Variants in NIPBL observed in about 807,000 individuals in gnomAD.
The protein encoded by NIPBL is nipped-B-like protein.
NIPBL carries 19 observed loss-of-function variants against 321.8 expected under a neutral mutation model. The observed-to-expected ratio is 0.06, with a 90% CI of 0.04 to 0.09. The LOEUF (loss-of-function observed/expected upper bound fraction) is 0.09, where lower values mean the gene tolerates loss of function less well. Among genes scored for constraint, NIPBL ranks in the 10% least tolerant of loss-of-function variants. NIPBL has a pLI of 1.00. For missense variants in NIPBL, 2,210 were observed against 3,327.0 expected (o/e 0.66, Z 8.26); for synonymous variants, 1,106 against 1,114.1 (o/e 0.99, Z 0.14).
intron 1 of NIPBL, among the ~76,000 whole-genome samples, chr5:36,907,906 A>C (rs2149541858): frequency 6.6e-6 from 1 of 152,344 alleles, no homozygotes; most frequent in Middle Eastern, 3.4e-3. Context: ...GAATAAATCA[A>C]ATACAGCTTT....
intron 15 of NIPBL, 37 bp downstream of exon 15, chr5:37,002,802 T>C (rs1451226512): frequency 7.0e-6 from 8 of 1,149,274 alleles, no homozygotes; most frequent in South Asian, 5.2e-5. Context: ...ATTTACTTCA[T>C]AGAAACATTT....
In NIPBL at chr5:37,048,557, A is replaced by C. The variant is rs149186951; in HGVS notation, c.6645A>C (p.Leu2215=). Residue 2215 remains leucine (L), a synonymous_variant, in exon 39 of 47, where the codon CTA becomes CTC. Coordinates refer to ENST00000282516, the MANE Select transcript of NIPBL (RefSeq NM_133433.4). ...SLMFEQEVKN[L]YNNILSDKNS... ...TGTTCGAGCAAGAAGTGAAGAATCT[A>C]TATAATAATATTTTATCTGATAAGA... 1 of 1,589,810 alleles carries C rather than the reference A, an allele frequency of 6.3e-7. No homozygotes were observed. Among genetic ancestry groups the C allele is most frequent in the African/African-American group, 1.3e-5 (1 of 74,092 alleles).
chr5:36,953,884 G>A (rs949425402), intron 2 of NIPBL, 124 bp downstream of exon 2: 3 of 798,372 alleles, frequency 3.8e-6, no homozygotes, highest in Non-Finnish European at 6.2e-6. Context: ...AACTGAAACT[G>A]CCCTTTAAAG....
intron 40 of NIPBL, 31 bp from the exon 41 acceptor site, chr5:37,051,748 G>T (rs777481806): frequency 8.2e-6 from 12 of 1,462,348 alleles, no homozygotes; most frequent in Non-Finnish European, 1.2e-5. Flanking sequence ...TTACTACCAT[G>T]ATATCTCGTA....
intron 16 of NIPBL, among the ~76,000 whole-genome samples, chr5:37,003,651 G>C (rs1214806710): frequency 6.6e-6 from 1 of 152,014 alleles, no homozygotes; most frequent in East Asian, 1.9e-4. Flanking sequence ...TCTATCATCT[G>C]TCCATTAGGG....
At chr5:37,025,517 G>T (rs1352510368) in intron 30 of NIPBL, among the ~76,000 whole-genome samples, 1 of 152,026 alleles carries the variant, frequency 6.6e-6, no homozygotes, top group African/African-American at 2.4e-5. Flanking sequence ...GGAGGGAAGG[G>T]TTGTGAGGGG....
rs1179952656 is a variant in NIPBL, at chr5:37,019,321, G to A, written c.4931G>A (p.Gly1644Glu). The stretch of plus-strand genomic sequence containing the variant: ...TGGTTTATTCTATAGGTTTCAGGAG[G>A]GGAAGATGAAATCCAACAATTACAA... ...IERILKQVSG[G>E]EDEIQQLQKA... is the part of the protein sequence containing the mutation. The change falls in exon 25 of 47, where the codon GGG becomes GAG. Residue 1644 changes from glycine to glutamate, a missense_variant. Physicochemically the swap from Gly to Glu is moderately conservative, Grantham distance 98. Coordinates refer to ENST00000282516, the MANE Select transcript of NIPBL (RefSeq NM_133433.4). 2 of 1,609,544 alleles carry A rather than the reference G, an allele frequency of 1.2e-6. No individual in the cohort carries two copies. The highest frequency in any genetic ancestry group is 1.7e-6 in the Non-Finnish European group (2 of 1,176,186).
chr5:37,011,979 TAG>T (rs1309632123), intron 21 of NIPBL, among the ~76,000 whole-genome samples: 5 of 152,092 alleles, frequency 3.3e-5, no homozygotes, highest in African/African-American at 1.2e-4. Flanking sequence ...TTTCAGTTTA[TAG>T]CCCTACTTCT....
At chr5:36,952,720 TA>T (rs1740532306) in intron 1 of NIPBL, among the ~76,000 whole-genome samples, 1 of 152,178 alleles carries the variant, frequency 6.6e-6, no homozygotes, top group African/African-American at 2.4e-5. Context: ...TGGGGAACAT[TA>T]AAAATGTTAA....
At chr5:37,060,399 A>G (rs985199270) in intron 44 of NIPBL, among the ~76,000 whole-genome samples, 5 of 152,188 alleles carry the variant, frequency 3.3e-5, no homozygotes, top group Admixed American at 1.3e-4. Context: ...CCTGGCCTCA[A>G]GTGATCCTCC....
intron 1 of NIPBL, among the ~76,000 whole-genome samples, chr5:36,950,228 T>C (rs1740120414): frequency 1.3e-5 from 2 of 152,062 alleles, no homozygotes; most frequent in South Asian, 4.1e-4. Context: ...CTTTTAGAAG[T>C]AGGAATTATT....
chr5:37,043,421 G>C (rs1040628781), intron 34 of NIPBL, among the ~76,000 whole-genome samples: 2 of 151,702 alleles, frequency 1.3e-5, no homozygotes, highest in Non-Finnish European at 2.9e-5. Flanking sequence ...CCAGCTACTC[G>C]GGTGGCTGAG....
chr5:36,947,283 A>T (rs1739793765), intron 1 of NIPBL, among the ~76,000 whole-genome samples: 1 of 152,034 alleles, frequency 6.6e-6, no homozygotes. Flanking sequence ...CCTGCTTTAG[A>T]CATCTCCAAC....
At position 36,975,848 on chromosome 5, in the gene NIPBL, T is replaced by C. The variant is rs368151265; in HGVS notation, c.941T>C (p.Ile314Thr). Residue 314 changes from isoleucine (I) to threonine (T), a missense_variant, in exon 9 of 47, where the codon ATC becomes ACC. Coordinates refer to ENST00000282516, the MANE Select transcript of NIPBL (RefSeq NM_133433.4). ...TCACCTCGAGATGTTCCACCAGATA[T>C]CTTGCTAGATTCTCCAGAAAGAAAA... ...CSSPRDVPPD[I>T]LLDSPERKQK... 122 of 1,612,484 alleles carry C rather than the reference T, an allele frequency of 7.6e-5. No homozygotes were observed. Among genetic ancestry groups the C allele is most frequent in the Non-Finnish European group, 9.2e-5 (108 of 1,179,522 alleles).
intron 1 of NIPBL, among the ~76,000 whole-genome samples, chr5:36,906,266 A>C (rs1006005795): frequency 6.6e-6 from 1 of 152,186 alleles, no homozygotes; most frequent in Non-Finnish European, 1.5e-5. Flanking sequence ...GAATATACAT[A>C]AGATGTGTAA....
intron 43 of NIPBL, 28 bp from the exon 44 acceptor site, chr5:37,058,863 T>C (rs769004836): frequency 6.2e-7 from 1 of 1,610,448 alleles, no homozygotes; most frequent in Non-Finnish European, 8.5e-7. Context: ...TTTGTTTTTA[T>C]TGTTTATCAA....
intron 45 of NIPBL, 84 bp from the exon 46 acceptor site, chr5:37,063,706 A>G (rs1755057174): frequency 5.1e-6 from 7 of 1,366,586 alleles, no homozygotes; most frequent in Non-Finnish European, 7.1e-6. Context: ...ACACCAAACT[A>G]CTGCCATAGA....
rs532771739 is a variant in NIPBL, at chr5:36,891,426, A to G, written c.-80+14248A>G. ...GCACTGGTGGTAGGGGTGGTCACCT[A>G]ATTTAGACTAGTGTGGTGAGGCGCA... On this transcript the variant is annotated intron_variant, in intron 1 of 46. Transcript: ENST00000282516. Among the ~76,000 whole-genome samples, 382 of 152,256 alleles carry G rather than the reference A, an allele frequency of 2.5e-3. 1 individual carries two copies. Among genetic ancestry groups the G allele is most frequent in the Non-Finnish European group, 3.2e-3 (216 of 68,014 alleles).
intron 1 of NIPBL, among the ~76,000 whole-genome samples, chr5:36,902,250 C>G (rs1221882998): frequency 6.6e-6 from 1 of 152,016 alleles, no homozygotes; most frequent in Non-Finnish European, 1.5e-5. Flanking sequence ...TGTACAGAAC[C>G]TCTTTAGTTT....
Sources: gnomAD v4.1 joint callset for allele counts (sites outside exome capture counted in the v4.1 genomes callset) on GRCh38, gnomAD v4.1.1 for gene constraint, MANE v1.5 for transcripts, NCBI Gene and HGNC (gene_info 2026-07-23, HGNC 2026-07-21) for gene names.